Variants in SLC4A3 observed in about 807,000 individuals in gnomAD.
SLC4A3 encodes solute carrier family 4 member 3.
A neutral mutation model predicts 114.2 loss-of-function variants in SLC4A3; 47 were observed. That is an observed-to-expected ratio of 0.41 (90% CI 0.33 to 0.52). The LOEUF (loss-of-function observed/expected upper bound fraction) is 0.52. Ranked by LOEUF, SLC4A3 falls within the 20% of genes least tolerant of loss-of-function variation. The pLI is 0.21. For missense variants in SLC4A3, 1,312 were observed against 1,668.3 expected, an observed-to-expected ratio of 0.79 and a Z score of 3.72; for synonymous variants, 693 against 710.3, an observed-to-expected ratio of 0.98 and a Z score of 0.39.
At position 219,640,431 on chromosome 2, in the gene SLC4A3, C is replaced by T; in HGVS notation, c.3279C>T (p.Gly1093=). 1.2e-6 allele frequency: 2 copies of T among 1,612,196 alleles called. No homozygotes were observed. Among genetic ancestry groups the T allele is most frequent in the African/African-American group, 1.3e-5 (1 of 75,032 alleles). ...GCGGGTCTGTGTCACCTCCTCCAGGCCTGTCCATCGTCATGGGGGCTGTGC... is the reference window on the plus strand; with the variant it reads ...GCGGGTCTGTGTCACCTCCTCCAGGTCTGTCCATCGTCATGGGGGCTGTGC... The part of the protein sequence containing the change: ...VTGVLIASLV[G]LSIVMGAVLR... Residue 1093 remains glycine, a splice_region_variant and synonymous_variant, in exon 21 of 23, where the codon GGC becomes GGT. Transcript: ENST00000358055.
rs139067538 is a variant in SLC4A3 at position 219,637,569 on chromosome 2, A to G, written c.2536-12A>G. 9.5e-4 allele frequency: 1,382 copies of G among 1,447,786 alleles called. 13 individuals carry two copies. In the African/African-American group the frequency reaches 0.017, roughly 18 times the overall value. The allele number at this position is 1,447,786 out of a possible 1,614,324, so 89.7% of individuals were successfully genotyped here. ...AGGTGAGTGACAAGGCATCCTTGTT[A>G]TCCACACACAGGTGTTCACAGAGCA... On this transcript the variant is annotated splice_polypyrimidine_tract_variant and intron_variant, in intron 16 of 22. Transcript: ENST00000358055. The surrounding 1 kb of genome is among the most constrained non-coding windows in gnomAD (Gnocchi z 4.6).
Position 219,639,330 on chromosome 2 carries a change from A to G in SLC4A3, c.3024-152A>G, listed in dbSNP as rs1699236534. 16 of 933,346 alleles carry G rather than the reference A, an allele frequency of 1.7e-5. No individual in the cohort carries two copies. The highest frequency in any genetic ancestry group is 3.5e-4 in the Middle Eastern group (1 of 2,866). The allele number at this position is 933,346 out of a possible 1,614,324, so 57.8% of individuals were successfully genotyped here. On this transcript the variant is annotated intron_variant, in intron 19 of 22. Coordinates refer to ENST00000358055, the MANE Select transcript of SLC4A3 (RefSeq NM_005070.4). The surrounding 1 kb of genome is among the most constrained non-coding windows in gnomAD (Gnocchi z 5.9). The stretch of plus-strand genomic sequence containing the variant: ...CATTTGCTTCAATGTGAGAACTTCA[A>G]TTTGGGAACTTGAAAGAAGAAGCTG...
rs369812780 is a variant in SLC4A3 at position 219,632,323 on chromosome 2, C to A, written c.1022C>A (p.Thr341Lys). The change falls in exon 8 of 23, where the codon ACG (threonine) becomes AAG (lysine). Residue 341 changes from threonine to lysine, a missense_variant. By Grantham distance (78) the Thr-to-Lys change is moderately conservative. Around this residue, in one of 4 missense-constraint regions of SLC4A3, gnomAD observed 771 missense variants for 977.7 expected, o/e 0.79. Coordinates refer to ENST00000358055, the MANE Select transcript of SLC4A3 (RefSeq NM_005070.4). ...AGCCAGGAGCCCCACTGGCGGGAGA[C>A]GGCCCGCTGGATCAAGTTTGAGGAG... The part of the protein sequence containing the change: ...DRSQEPHWRE[T>K]ARWIKFEEDV... The A allele has an allele frequency of 6.2e-7, 1 of 1,614,066 alleles. No individual in the cohort carries two copies. The highest frequency in any genetic ancestry group is 8.5e-7 in the Non-Finnish European group (1 of 1,180,016).
Position 219,635,396 on chromosome 2 carries a change from C to T in SLC4A3, c.1872C>T (p.Ser624=), listed in dbSNP as rs764475960. 4 of 1,614,134 alleles carry T rather than the reference C, an allele frequency of 2.5e-6. No homozygotes were observed. Among genetic ancestry groups the T allele is most frequent in the East Asian group, 2.2e-5 (1 of 44,876 alleles). The stretch of plus-strand genomic sequence containing the variant: ...TGGAGGGCCGTGACCTGCTGCGCTC[C>T]GTGGCTGCTTTCCAGCGAGAGCTGC... The part of the protein sequence containing the change: ...SEVEGRDLLR[S]VAAFQRELLR... The change falls in exon 13 of 23, where the codon TCC becomes TCT. Residue 624 remains serine (S), a synonymous_variant. Coordinates refer to ENST00000358055, the MANE Select transcript of SLC4A3 (RefSeq NM_005070.4).
Position 219,636,996 on chromosome 2 carries a change from T to C in SLC4A3, c.2535+122T>C, listed in dbSNP as rs2106198214. The C allele has an allele frequency of 4.3e-6, 4 of 920,824 alleles. No individual in the cohort carries two copies. The highest frequency in any genetic ancestry group is 6.6e-6 in the Non-Finnish European group (4 of 602,294). The allele number at this position is 920,824 out of a possible 1,614,324, so 57.0% of individuals were successfully genotyped here. On this transcript the variant is annotated intron_variant, in intron 16 of 22. Transcript: ENST00000358055. The surrounding 1 kb of genome is among the most constrained non-coding windows in gnomAD (Gnocchi z 5.5). ...ACAAGGAGAGGGACTGTGTTGGGAG[T>C]GAGGGGTTCTAGGGACACCCTAGGC...
In SLC4A3 at chr2:219,628,129, C is replaced by T. The variant is rs2106178582; in HGVS notation, c.51+86C>T. 1.8e-6 allele frequency: 2 copies of T among 1,098,560 alleles called. No homozygotes were observed. The highest frequency in any genetic ancestry group is 2.8e-5 in the East Asian group (1 of 35,172). The allele number at this position is 1,098,560 out of a possible 1,614,324, so 68.1% of individuals were successfully genotyped here. A position where few individuals can be genotyped will look rare whatever the true frequency, so the allele number is the denominator to read the frequency against. On this transcript the variant is annotated intron_variant, in intron 2 of 22. Coordinates refer to ENST00000358055, the MANE Select transcript of SLC4A3 (RefSeq NM_005070.4). The surrounding 1 kb of genome is among the most constrained non-coding windows in gnomAD (Gnocchi z 4.8). ...TGGGCAGAGGAGTCCTCTGGCCGAC[C>T]CCGGGACCCCCCAGATCCAGGGATG... is the stretch of plus-strand genomic sequence containing the variant.
At chr2:219,640,681 A>T (rs1358717380) in intron 21 of SLC4A3, 82 bp downstream of exon 21, 6 of 1,571,300 alleles carry the variant, frequency 3.8e-6, no homozygotes, top group East Asian at 2.3e-5. Flanking sequence ...GATGGATGGG[A>T]TGAATATGAA....
At position 219,635,703 on chromosome 2, in the gene SLC4A3, C is replaced by CG. The variant is rs1559202358; in HGVS notation, c.2003_2004insG (p.Thr669AsnfsTer3). 6.3e-7 allele frequency: 1 copy of CG among 1,592,476 alleles called. No individual in the cohort carries two copies. The highest frequency in any genetic ancestry group is 2.2e-5 in the East Asian group (1 of 44,504). Reference sequence around the variant, plus strand: ...TCTTTGGAGTTGGGGGGCTCTGAGGCAACCCCTGAAGATGACCCCTTGCTG... The same window carrying CG: ...TCTTTGGAGTTGGGGGGCTCTGAGGCGAACCCCTGAAGATGACCCCTTGCTG... On this transcript the variant is annotated frameshift_variant, in exon 14 of 23. Coordinates refer to ENST00000358055, the MANE Select transcript of SLC4A3 (RefSeq NM_005070.4). LOFTEE classifies it high-confidence loss of function.
chr2:219,627,857 G>C (rs1205285882), intron 1 of SLC4A3, 43 bp from the exon 2 acceptor site: 1 of 669,306 alleles, frequency 1.5e-6, no homozygotes, highest in Non-Finnish European at 2.5e-6. Context: ...TCCCGGGTGG[G>C]GGGCGCCAGC....
At chr2:219,632,200 C>T in intron 7 of SLC4A3, 62 bp from the exon 8 acceptor site, 3 of 1,610,482 alleles carry the variant, frequency 1.9e-6, no homozygotes, top group Non-Finnish European at 2.5e-6. Context: ...CCTGCCTTGC[C>T]CCATCACGGT....
chr2:219,628,055 G>A lies in SLC4A3; in HGVS notation c.51+12G>A. 4 of 1,553,236 alleles carry A rather than the reference G, an allele frequency of 2.6e-6. No individual in the cohort carries two copies. Among genetic ancestry groups the A allele is most frequent in the Non-Finnish European group, 3.5e-6 (4 of 1,151,986 alleles). Reference sequence around the variant, plus strand: ...CCCCCCTACCCCAGGTGATCGGCGCGCGCGGGGGCGGGGGAGAGATGGGGG... The same window carrying A: ...CCCCCCTACCCCAGGTGATCGGCGCACGCGGGGGCGGGGGAGAGATGGGGG... On this transcript the variant is annotated intron_variant, in intron 2 of 22. Coordinates refer to ENST00000358055, the MANE Select transcript of SLC4A3 (RefSeq NM_005070.4). This position sits in a 1 kb window ranked among gnomAD's most constrained non-coding sequence, Gnocchi z 4.8.
At chr2:219,633,513 T>C in intron 10 of SLC4A3, 56 bp downstream of exon 10, 1 of 1,414,916 alleles carries the variant, frequency 7.1e-7, no homozygotes, top group South Asian at 1.5e-5. Flanking sequence ...CCAGTTTCAG[T>C]CGAGGTCATC....
At position 219,641,626 on chromosome 2, in the gene SLC4A3, C is replaced by G. The variant is rs1340499003; in HGVS notation, c.3622-25C>G. 1.2e-6 allele frequency: 2 copies of G among 1,603,958 alleles called. No individual in the cohort carries two copies. Among genetic ancestry groups the G allele is most frequent in the East Asian group, 4.5e-5 (2 of 44,826 alleles). The stretch of plus-strand genomic sequence containing the variant: ...GGGGACGAGCATGCTTCCCTGCCTT[C>G]CCCAACCTTCTGTTCCCTCTGCAGC... On this transcript the variant is annotated intron_variant, in intron 22 of 22. Transcript: ENST00000358055. The surrounding 1 kb of genome is among the most constrained non-coding windows in gnomAD (Gnocchi z 4.0).
At chr2:219,629,725 C>A in intron 5 of SLC4A3, 30 bp downstream of exon 5, 2 of 1,498,662 alleles carry the variant, frequency 1.3e-6, no homozygotes, top group East Asian at 2.3e-5. Flanking sequence ...CTCAGCAGGG[C>A]CCAGCCCAGA....
Position 219,630,168 on chromosome 2 carries a change from G to A in SLC4A3, c.627G>A (p.Arg209=). The A allele has an allele frequency of 3.1e-6, 5 of 1,606,648 alleles. No homozygotes were observed. Among genetic ancestry groups the A allele is most frequent in the Middle Eastern group, 1.7e-4 (1 of 5,992 alleles). ...GCCTCCCCAGCTCCCCCAGCCCCCGGGCCCGGGCCTCCCGACTCGCTGGGG... is the reference window on the plus strand; with the variant it reads ...GCCTCCCCAGCTCCCCCAGCCCCCGAGCCCGGGCCTCCCGACTCGCTGGGG... ...PQHSSSSPSP[R]ARASRLAGEK... is the part of the protein sequence containing the mutation. The change falls in exon 6 of 23, where the codon CGG becomes CGA. Residue 209 remains arginine (R), a synonymous_variant. Coordinates refer to ENST00000358055, the MANE Select transcript of SLC4A3 (RefSeq NM_005070.4). The surrounding 1 kb of genome is among the most constrained non-coding windows in gnomAD (Gnocchi z 6.9).
chr2:219,640,514 C>T lies in SLC4A3; in HGVS notation c.3362C>T (p.Ser1121Phe). The T allele has an allele frequency of 6.2e-7, 1 of 1,614,140 alleles. No homozygotes were observed. The highest frequency in any genetic ancestry group is 8.5e-7 in the Non-Finnish European group (1 of 1,179,996). The stretch of plus-strand genomic sequence containing the variant: ...ATCTTCCTGTACATGGGGGTCACGT[C>T]CCTGTCTGGTATCCAGCTGTCCCAG... Reference protein sequence around the residue: ...FGIFLYMGVTSLSGIQLSQRL... With the variant: ...FGIFLYMGVTFLSGIQLSQRL... Residue 1121 changes from serine (S) to phenylalanine (F), a missense_variant, in exon 21 of 23, where the codon TCC becomes TTC. By Grantham distance (155) the Ser-to-Phe change is radical. Around this residue, in one of 4 missense-constraint regions of SLC4A3, gnomAD observed 301 missense variants for 460.7 expected, o/e 0.65. Transcript: ENST00000358055.
In SLC4A3 at chr2:219,641,355, T is replaced by A. The variant is rs995352943; in HGVS notation, c.3622-296T>A. 3.3e-5 allele frequency among the ~76,000 whole-genome samples: 5 copies of A among 152,158 alleles called. No homozygotes were observed. Among genetic ancestry groups the A allele is most frequent in the African/African-American group, 1.2e-4 (5 of 41,424 alleles). ...AGAGGAAAAGACATCTTTTTGCAAT[T>A]TATCCATACTCAAACATGGTGTACA... On this transcript the variant is annotated intron_variant, in intron 22 of 22. Coordinates refer to ENST00000358055, the MANE Select transcript of SLC4A3 (RefSeq NM_005070.4). This position sits in a 1 kb window ranked among gnomAD's most constrained non-coding sequence, Gnocchi z 4.0.
In SLC4A3 at chr2:219,636,404, T is replaced by C; in HGVS notation, c.2294T>C (p.Val765Ala). 1.9e-6 allele frequency: 3 copies of C among 1,613,462 alleles called. No homozygotes were observed. The highest frequency in any genetic ancestry group is 2.5e-6 in the Non-Finnish European group (3 of 1,179,776). ...SLLGAQPLLVVGFSGPLLVFE... is the reference protein window; with the variant it reads ...SLLGAQPLLVAGFSGPLLVFE... The stretch of plus-strand genomic sequence containing the variant: ...CTGGGAGCTCAGCCGCTGCTTGTGG[T>C]TGGCTTCTCTGGGCCGCTGCTTGTG... Residue 765 changes from valine (V) to alanine (A), a missense_variant, in exon 15 of 23, where the codon GTT (valine) becomes GCT (alanine). Transcript: ENST00000358055. This position sits in a 1 kb window ranked among gnomAD's most constrained non-coding sequence, Gnocchi z 5.5.
Position 219,632,999 on chromosome 2 carries a change from C to T in SLC4A3, c.1267C>T (p.Leu423=). The part of the protein sequence containing the change: ...DRASVLRTLL[L]KHSHPNDDKD... ...GGCCAGCGTCCTACGTACCCTGCTA[C>T]TGAAGCACAGGTGCCGGGGTGGGTC... Residue 423 remains leucine, a synonymous_variant, in exon 9 of 23, where the codon CTG becomes TTG. Coordinates refer to ENST00000358055, the MANE Select transcript of SLC4A3 (RefSeq NM_005070.4). 3 of 1,614,022 alleles carry T rather than the reference C, an allele frequency of 1.9e-6. No individual in the cohort carries two copies. The highest frequency in any genetic ancestry group is 1.6e-4 in the Middle Eastern group (1 of 6,062).
Sources: allele counts gnomAD v4.1 joint callset (sites outside exome capture counted in the v4.1 genomes callset), GRCh38; gene constraint gnomAD v4.1.1; regional missense constraint gnomAD v4.1.1; non-coding constraint Gnocchi (gnomAD v3.1); transcripts MANE v1.5; gene names NCBI Gene and HGNC (gene_info 2026-07-23, HGNC 2026-07-21).